The following FBXL7 variants were observed in gnomAD, a reference collection of about 807,000 sequenced individuals.
The protein encoded by FBXL7 is F-box and leucine rich repeat protein 7, also known as F-box/LRR-repeat protein 7.
A neutral mutation model predicts 38.3 loss-of-function variants in FBXL7; 12 were observed. The ratio of observed to expected loss-of-function variants is 0.31; its 90% CI spans 0.20 to 0.51. The LOEUF is 0.51. Among genes scored for constraint, FBXL7 ranks in the 20% least tolerant of loss-of-function variants. The pLI, the probability that FBXL7 is intolerant of heterozygous loss-of-function variation, is 0.98. For synonymous variants in FBXL7, 297 were observed against 300.9 expected (o/e 0.99, Z 0.13); for missense variants, 567 against 676.4 (o/e 0.84, Z 1.79).
In FBXL7 at chr5:15,569,822, G is replaced by T. The variant is rs574304138; in HGVS notation, c.38-46161G>T. The stretch of plus-strand genomic sequence containing the variant: ...GAAGCGTTGTTGAATTTTTTCAAAG[G>T]CCTTTTCTGCATCTATTGAGATAAT... On this transcript the variant is annotated intron_variant, in intron 1 of 3. Transcript: ENST00000504595. 1.1e-3 allele frequency among the ~76,000 whole-genome samples: 171 copies of T among 152,150 alleles called. 1 individual carries two copies. Among genetic ancestry groups the T allele is most frequent in the Non-Finnish European group, 2.0e-3 (136 of 68,032 alleles).
chr5:15,851,751 C>G (rs1739099619), intron 2 of FBXL7, among the ~76,000 whole-genome samples: 1 of 150,990 alleles, frequency 6.6e-6, no homozygotes, highest in Non-Finnish European at 1.5e-5. Flanking sequence ...TAAATATAAG[C>G]CTGTGTATTG....
rs758811996 is a variant in FBXL7, at chr5:15,652,237, G to A, written c.127+36165G>A. ...TATTTCACTATCTTATCATTTGTGT[G>A]TTCACTGGAGTAGCATTTTTAGTTT... On this transcript the variant is annotated intron_variant, in intron 2 of 3. Coordinates refer to ENST00000504595, the MANE Select transcript of FBXL7 (RefSeq NM_012304.5). Among the ~76,000 whole-genome samples, 8 of 151,304 alleles carry A rather than the reference G, an allele frequency of 5.3e-5. 1 individual carries two copies. The South Asian group carries it at 1.5e-3, about 28-fold the overall frequency.
chr5:15,597,161 C>G (rs1739647716), intron 1 of FBXL7, among the ~76,000 whole-genome samples: 1 of 152,042 alleles, frequency 6.6e-6, no homozygotes, highest in South Asian at 2.1e-4. Flanking sequence ...GAATTGAATT[C>G]TAGGATACCC....
intron 2 of FBXL7, among the ~76,000 whole-genome samples, chr5:15,918,048 G>A (rs193247118): frequency 2.8e-4 from 42 of 152,170 alleles, no homozygotes; most frequent in African/African-American, 7.9e-4. Flanking sequence ...AAGCCAGCCT[G>A]GCCAACATGG....
chr5:15,706,032 G>T (rs1040827890), intron 2 of FBXL7, among the ~76,000 whole-genome samples: 3 of 152,076 alleles, frequency 2.0e-5, no homozygotes, highest in African/African-American at 7.2e-5. Flanking sequence ...GAGGCCCAAA[G>T]GCAATAAGGA....
In FBXL7 at chr5:15,503,484, A is replaced by G. The variant is rs1159557760; in HGVS notation, c.37+2771A>G. 3.9e-5 allele frequency among the ~76,000 whole-genome samples: 6 copies of G among 152,228 alleles called. No homozygotes were observed. The East Asian group carries it at 7.7e-4, about 20-fold the overall frequency. ...TGAGTCTTGGCCAATCCCAGCAGCC[A>G]TATTCAACCAGTCATACACTGCTGA... On this transcript the variant is annotated intron_variant, in intron 1 of 3. Transcript: ENST00000504595.
chr5:15,608,559 T>G (rs1385641596), intron 1 of FBXL7, among the ~76,000 whole-genome samples: 1 of 152,212 alleles, frequency 6.6e-6, no homozygotes, highest in African/African-American at 2.4e-5. Context: ...GAAGGTATTT[T>G]GTTAGGTGGT....
At chr5:15,724,367 G>A (rs1322865101) in intron 2 of FBXL7, among the ~76,000 whole-genome samples, 2 of 152,026 alleles carry the variant, frequency 1.3e-5, no homozygotes, top group Non-Finnish European at 2.9e-5. Flanking sequence ...ACAGACAATG[G>A]AATGCACCAA....
intron 2 of FBXL7, among the ~76,000 whole-genome samples, chr5:15,679,558 G>GTTTTTTTT (rs34375125): frequency 8.0e-6 from 1 of 125,128 alleles, no homozygotes; most frequent in African/African-American, 3.0e-5. Flanking sequence ...ATGCTTCATT[G>GTTTTTTTT]TTTTTTTTTT....
intron 2 of FBXL7, among the ~76,000 whole-genome samples, chr5:15,704,802 C>T (rs1315847379): frequency 6.6e-6 from 1 of 152,096 alleles, no homozygotes; most frequent in Admixed American, 6.5e-5. Flanking sequence ...GTTACTAGAG[C>T]CCTTGAAGGG....
chr5:15,808,821 T>C (rs1737782871), intron 2 of FBXL7, among the ~76,000 whole-genome samples: 1 of 152,180 alleles, frequency 6.6e-6, no homozygotes, highest in African/African-American at 2.4e-5. Context: ...GCAGGACTCG[T>C]GAGTTCATGT....
intron 2 of FBXL7, among the ~76,000 whole-genome samples, chr5:15,691,416 C>A (rs1452340503): frequency 1.3e-5 from 2 of 152,226 alleles, no homozygotes; most frequent in Non-Finnish European, 2.9e-5. Context: ...GGTTGCTCTT[C>A]CAAGCCTTTG....
intron 1 of FBXL7, among the ~76,000 whole-genome samples, chr5:15,582,029 C>T (rs1484880740): frequency 6.6e-6 from 1 of 152,184 alleles, no homozygotes; most frequent in East Asian, 1.9e-4. Flanking sequence ...CCTCCATCTC[C>T]CAGGTTCAGG....
intron 2 of FBXL7, among the ~76,000 whole-genome samples, chr5:15,866,359 T>C (rs957323666): frequency 1.8e-4 from 27 of 152,310 alleles, no homozygotes; most frequent in African/African-American, 5.3e-4. Flanking sequence ...CAATGTCTAA[T>C]ATATAATGTG....
chr5:15,565,841 C>A (rs1738557345), intron 1 of FBXL7, among the ~76,000 whole-genome samples: 1 of 152,090 alleles, frequency 6.6e-6, no homozygotes, highest in Non-Finnish European at 1.5e-5. Context: ...CTATTCCGGC[C>A]TTCAACTAAT....
intron 2 of FBXL7, among the ~76,000 whole-genome samples, chr5:15,914,770 A>G (rs529665146): frequency 1.3e-5 from 2 of 152,294 alleles, no homozygotes; most frequent in African/African-American, 4.8e-5. Flanking sequence ...GAGCGAGCAC[A>G]TTCTCCCCTT....
chr5:15,681,533 GA>G (rs1742844938), intron 2 of FBXL7, among the ~76,000 whole-genome samples: 1 of 152,176 alleles, frequency 6.6e-6, no homozygotes, highest in African/African-American at 2.4e-5. Context: ...GAAAAGACTA[GA>G]ATGGTTTATA....
At chr5:15,738,116 A>G (rs1255023247) in intron 2 of FBXL7, among the ~76,000 whole-genome samples, 2 of 152,112 alleles carry the variant, frequency 1.3e-5, no homozygotes, top group Admixed American at 1.3e-4. Flanking sequence ...ACGAGGGAGG[A>G]GGCATAGTAT....
chr5:15,837,547 T>C (rs907522715), intron 2 of FBXL7, among the ~76,000 whole-genome samples: 8 of 152,162 alleles, frequency 5.3e-5, no homozygotes, highest in African/African-American at 1.7e-4. Context: ...ACAATTGGCA[T>C]TTAGGAAAAG....
Sources: allele counts gnomAD v4.1 joint callset (sites outside exome capture counted in the v4.1 genomes callset), GRCh38; gene constraint gnomAD v4.1.1; transcripts MANE v1.5; gene names NCBI Gene and HGNC (gene_info 2026-07-23, HGNC 2026-07-21).